The following IPO11 variants were observed in gnomAD, a reference collection of about 807,000 sequenced individuals.
IPO11 encodes importin 11, also known as importin-11.
A neutral mutation model predicts 143.2 loss-of-function variants in IPO11; 66 were observed. That is an observed-to-expected ratio of 0.46 (90% confidence interval 0.38 to 0.57). The LOEUF is 0.57. IPO11 is among the 20% of genes least tolerant of loss of function. IPO11 has a pLI of 0.00. For missense variants in IPO11, 1,026 were observed against 1,141.0 expected (o/e 0.90, Z 1.45); for synonymous variants, 385 against 377.8 (o/e 1.02, Z -0.22).
chr5:62,435,904 C>T (rs999953973), intron 1 of IPO11, among the ~76,000 whole-genome samples: 1 of 152,130 alleles, frequency 6.6e-6, no homozygotes, highest in South Asian at 2.1e-4. Flanking sequence ...TGGTGTGCGC[C>T]TGTAATCCCA....
intron 16 of IPO11, among the ~76,000 whole-genome samples, chr5:62,495,655 G>T (rs1241010756): frequency 6.6e-6 from 1 of 151,854 alleles, no homozygotes; most frequent in Non-Finnish European, 1.5e-5. Context: ...GTTTTTTGTA[G>T]AGATGGTATG....
chr5:62,488,964 C>T (rs1299267061), intron 13 of IPO11, among the ~76,000 whole-genome samples: 1 of 152,200 alleles, frequency 6.6e-6, no homozygotes, highest in East Asian at 1.9e-4. Flanking sequence ...GAAAACCTCA[C>T]TCCACTGTAC....
rs75872489 is a variant in IPO11, at chr5:62,521,167, G to A, written c.1897-4975G>A. Among the ~76,000 whole-genome samples, 1,495 of 152,246 alleles carry A rather than the reference G, an allele frequency of 9.8e-3. 26 individuals are homozygous for A. The highest frequency in any genetic ancestry group is 0.034 in the African/African-American group (1,429 of 41,534). ...TCTTTCACTGCCTATCCTTTCTGTG[G>A]GATGTCTGTTTTCTGCGCATCATGT... On this transcript the variant is annotated intron_variant, in intron 20 of 29. Transcript: ENST00000325324.
rs1249210652 is a variant in IPO11, at chr5:62,421,475, A to G, written c.-7+8546A>G. Among the ~76,000 whole-genome samples the G allele has an allele frequency of 2.6e-5, 4 of 152,206 alleles. No homozygotes were observed. The East Asian group carries it at 7.7e-4, about 29-fold the overall frequency. On this transcript the variant is annotated intron_variant, in intron 1 of 29. Coordinates refer to ENST00000325324, the MANE Select transcript of IPO11 (RefSeq NM_016338.5). Reference sequence around the variant, plus strand: ...TTAATTTCACTTGAGATATTAATGGACAGCACTGAACAAAAGTAAAAGTGT... The same window carrying G: ...TTAATTTCACTTGAGATATTAATGGGCAGCACTGAACAAAAGTAAAAGTGT...
At chr5:62,500,822 A>G (rs1180465800) in intron 16 of IPO11, among the ~76,000 whole-genome samples, 1 of 152,166 alleles carries the variant, frequency 6.6e-6, no homozygotes, top group Non-Finnish European at 1.5e-5. Flanking sequence ...CTTTTATACT[A>G]CTGGCTGTGC....
At chr5:62,597,729 CATA>C in intron 28 of IPO11, among the ~76,000 whole-genome samples, 1 of 152,314 alleles carries the variant, frequency 6.6e-6, no homozygotes, top group Middle Eastern at 3.4e-3. Context: ...GAGGGAGACT[CATA>C]ATATTTCTTC....
At chr5:62,502,187 G>C (rs114820379) in intron 16 of IPO11, among the ~76,000 whole-genome samples, 154 of 152,218 alleles carry the variant, frequency 1.0e-3, no homozygotes, top group African/African-American at 3.6e-3. Context: ...CTTATGTCTT[G>C]ACGGCACTTA....
chr5:62,513,508 C>G (rs1741868907), intron 19 of IPO11, among the ~76,000 whole-genome samples: 12 of 142,372 alleles, frequency 8.4e-5, no homozygotes, highest in South Asian at 2.3e-4. Context: ...GCGCCCCTCA[C>G]CTCCCGGACG....
At chr5:62,451,162 A>G (rs1050791950) in intron 4 of IPO11, among the ~76,000 whole-genome samples, 2 of 152,174 alleles carry the variant, frequency 1.3e-5, no homozygotes, top group Non-Finnish European at 2.9e-5. Flanking sequence ...GTTTCTTTCT[A>G]CTTTTAGGTC....
chr5:62,530,322 G>A (rs1021492704), intron 21 of IPO11, among the ~76,000 whole-genome samples: 7 of 152,196 alleles, frequency 4.6e-5, no homozygotes, highest in East Asian at 1.9e-4. Flanking sequence ...TCAGCCCTGC[G>A]GAACCTGTGT....
chr5:62,512,974 A>G (rs1741816268), intron 19 of IPO11, among the ~76,000 whole-genome samples: 1 of 148,590 alleles, frequency 6.7e-6, no homozygotes, highest in East Asian at 2.0e-4. Flanking sequence ...AAAGTCTCCC[A>G]TGTCTACTTC....
rs1196735733 is a variant in IPO11 at position 62,562,879 on chromosome 5, G to T, written c.2582+1622G>T. On this transcript the variant is annotated intron_variant, in intron 27 of 29. Transcript: ENST00000325324. ...CATACTTTCCTAAGTGCTTTATGTT[G>T]GTAATTTAATTCTTAAAACAGCCCG... Among the ~76,000 whole-genome samples the T allele has an allele frequency of 2.0e-5, 3 of 152,198 alleles. No individual in the cohort carries two copies. The East Asian group carries it at 5.8e-4, about 29-fold the overall frequency.
chr5:62,418,857 T>C (rs1743389514), intron 1 of IPO11: 3 of 765,346 alleles, frequency 3.9e-6, no homozygotes, highest in South Asian at 2.2e-5. Flanking sequence ...CTTATTCTTA[T>C]ATGCCTGTGC....
chr5:62,565,611 A>G (rs1259972028), intron 27 of IPO11, among the ~76,000 whole-genome samples: 1 of 152,134 alleles, frequency 6.6e-6, no homozygotes, highest in Non-Finnish European at 1.5e-5. Context: ...CTCAGTTTAT[A>G]TCTTTTTATA....
At chr5:62,550,315 C>A in intron 24 of IPO11, 52 bp from the exon 25 acceptor site, 3 of 1,352,572 alleles carry the variant, frequency 2.2e-6, no homozygotes, top group Non-Finnish European at 3.1e-6. Flanking sequence ...ATGTGTTTTT[C>A]ATAAAGCAAT....
At chr5:62,573,598 C>T (rs550050250) in intron 27 of IPO11, among the ~76,000 whole-genome samples, 11 of 152,128 alleles carry the variant, frequency 7.2e-5, no homozygotes, top group Middle Eastern at 3.4e-3. Context: ...GCTTCTTTGG[C>T]GGGTCAAAAT....
At chr5:62,489,399 A>G (rs1746525170) in intron 14 of IPO11, 50 bp downstream of exon 14, 1 of 1,312,690 alleles carries the variant, frequency 7.6e-7, no homozygotes, top group Non-Finnish European at 1.1e-6. Context: ...CAGTAGATGG[A>G]GAGTCTGTTT....
At chr5:62,556,287 T>G (rs988164813) in intron 26 of IPO11, among the ~76,000 whole-genome samples, 5 of 152,178 alleles carry the variant, frequency 3.3e-5, no homozygotes, top group African/African-American at 1.2e-4. Flanking sequence ...ATTGCACCAC[T>G]GCTCTCCAGT....
rs1746274150 is a variant in IPO11 at position 62,483,264 on chromosome 5, A to G, written c.992A>G (p.Tyr331Cys). 1 of 1,602,490 alleles carries G rather than the reference A, an allele frequency of 6.2e-7. No homozygotes were observed. Among genetic ancestry groups the G allele is most frequent in the Non-Finnish European group, 8.5e-7 (1 of 1,175,144 alleles). Reference protein sequence around the residue: ...MNLIKMIVKNYAYKPSKNFED... With the variant: ...MNLIKMIVKNCAYKPSKNFED... ...CTTATTAAGATGATTGTCAAAAATT[A>G]TGCTTATAAGCCATCCAAAAATTTT... The change falls in exon 10 of 30, where the codon TAT becomes TGT. Residue 331 changes from tyrosine to cysteine, a missense_variant. This residue lies in a region of IPO11 where 429 missense variants were observed against 456.3 expected (regional missense o/e 0.94). Transcript: ENST00000325324.
Sources: allele counts gnomAD v4.1 joint callset (sites outside exome capture counted in the v4.1 genomes callset), GRCh38; gene constraint gnomAD v4.1.1; regional missense constraint gnomAD v4.1.1; transcripts MANE v1.5; gene names NCBI Gene and HGNC (gene_info 2026-07-23, HGNC 2026-07-21).